Variants in RPH3A observed in about 807,000 individuals in gnomAD.
RPH3A encodes rabphilin-3A.
In RPH3A, 48 loss-of-function variants were observed where a neutral mutation model predicts 102.2. The ratio of observed to expected loss-of-function variants is 0.47; its 90% CI spans 0.37 to 0.60. The LOEUF (loss-of-function observed/expected upper bound fraction) is 0.60, where lower values mean the gene tolerates loss of function less well. Ranked by LOEUF, RPH3A falls within the 20% of genes least tolerant of loss-of-function variation. The pLI, the probability that RPH3A is intolerant of heterozygous loss-of-function variation, is 0.00. For synonymous variants in RPH3A, 310 were observed against 324.3 expected (o/e 0.96, Z 0.47); for missense variants, 781 against 910.1 (o/e 0.86, Z 1.83).
chr12:112,744,534 G>A (rs16942195), intron 1 of RPH3A, among the ~76,000 whole-genome samples: 22,871 of 152,168 alleles, frequency 0.15, 1,837 homozygotes, highest in Admixed American at 0.21. Flanking sequence ...GAGGATTTCC[G>A]CAGCTCTGGG....
intron 1 of RPH3A, among the ~76,000 whole-genome samples, chr12:112,744,742 G>A (rs898131078): frequency 1.8e-4 from 27 of 152,268 alleles, no homozygotes; most frequent in African/African-American, 6.5e-4. Context: ...ACAGTCAGGG[G>A]AGACAGGGCT....
intron 1 of RPH3A, among the ~76,000 whole-genome samples, chr12:112,768,503 A>T (rs1266961390): frequency 6.6e-6 from 1 of 152,156 alleles, no homozygotes; most frequent in Admixed American, 6.5e-5. Context: ...TTGCACTTGC[A>T]TTCCCTCCAC....
chr12:112,746,868 C>A (rs543982940), intron 1 of RPH3A, among the ~76,000 whole-genome samples: 2 of 152,254 alleles, frequency 1.3e-5, no homozygotes, highest in East Asian at 3.9e-4. Context: ...CTTTCCCCAG[C>A]CTCCCGTTCT....
At position 112,879,504 on chromosome 12, in the gene RPH3A, G is replaced by A. The variant is rs539868312; in HGVS notation, c.1251+306G>A. On this transcript the variant is annotated intron_variant, in intron 14 of 21. Transcript: ENST00000389385. ...CAGTGTCTCTGGAGGGGATGGTGGA[G>A]GTTCTGCCCAGGAGGAGATGACAGC... 3.9e-5 allele frequency among the ~76,000 whole-genome samples: 6 copies of A among 152,324 alleles called. No homozygotes were observed. The South Asian group carries it at 1.0e-3, about 26-fold the overall frequency.
chr12:112,724,375 T>A (rs114429880), intron 1 of RPH3A, among the ~76,000 whole-genome samples: 1,584 of 152,286 alleles, frequency 0.01, 24 homozygotes, highest in African/African-American at 0.035. Flanking sequence ...AATATTTTTT[T>A]AATATTTTTT....
chr12:112,864,641 A>G (rs977014740), intron 5 of RPH3A, among the ~76,000 whole-genome samples: 1 of 152,162 alleles, frequency 6.6e-6, no homozygotes, highest in East Asian at 1.9e-4. Flanking sequence ...TCTCAAAACC[A>G]TTCTTGAGCA....
At chr12:112,671,169 G>A (rs2040126735) in intron 1 of RPH3A, among the ~76,000 whole-genome samples, 1 of 152,218 alleles carries the variant, frequency 6.6e-6, no homozygotes, top group Non-Finnish European at 1.5e-5. Flanking sequence ...CTTGGCAGGG[G>A]CCAGTTCCTA....
chr12:112,610,263 G>A (rs2039628857), intron 1 of RPH3A, among the ~76,000 whole-genome samples: 1 of 152,146 alleles, frequency 6.6e-6, no homozygotes, highest in South Asian at 2.1e-4. Context: ...AGCACTTTGG[G>A]AGGCCAAGCG....
intron 2 of RPH3A, among the ~76,000 whole-genome samples, chr12:112,797,357 C>T (rs1565886048): frequency 6.6e-6 from 1 of 152,064 alleles, no homozygotes. Context: ...GGGGAGGGGG[C>T]TGCATTACTA....
At chr12:112,851,195 G>A (rs2042317578) in intron 5 of RPH3A, among the ~76,000 whole-genome samples, 1 of 152,146 alleles carries the variant, frequency 6.6e-6, no homozygotes, top group African/African-American at 2.4e-5. Context: ...TGTCAAGTAA[G>A]CTATTATTAT....
intron 5 of RPH3A, among the ~76,000 whole-genome samples, chr12:112,864,178 C>T (rs369172965): frequency 3.9e-5 from 6 of 152,136 alleles, no homozygotes; most frequent in Non-Finnish European, 7.3e-5. Context: ...TCAGGCCAGG[C>T]GCAGGGGCTC....
intron 1 of RPH3A, among the ~76,000 whole-genome samples, chr12:112,584,917 C>T (rs2039427178): frequency 6.6e-6 from 1 of 152,108 alleles, no homozygotes; most frequent in African/African-American, 2.4e-5. Context: ...GGTGAAGTCC[C>T]ACGATAGGCT....
At chr12:112,598,083 A>T (rs2039530556) in intron 1 of RPH3A, among the ~76,000 whole-genome samples, 2 of 152,224 alleles carry the variant, frequency 1.3e-5, no homozygotes, top group Non-Finnish European at 2.9e-5. Flanking sequence ...ATGAAGCACT[A>T]GTAGGGCACC....
chr12:112,659,243 A>C (rs2040033917), intron 1 of RPH3A, among the ~76,000 whole-genome samples: 1 of 152,208 alleles, frequency 6.6e-6, no homozygotes, highest in Non-Finnish European at 1.5e-5. Flanking sequence ...TCTAGCCCAC[A>C]GGAAAGTCCT....
intron 1 of RPH3A, chr12:112,617,939 A>T (rs1430331819): frequency 6.6e-6 from 1 of 152,236 alleles, no homozygotes; most frequent in Admixed American, 6.5e-5. Flanking sequence ...AAGGCAGAAG[A>T]GTGTAAAGGA....
chr12:112,865,316 T>A, intron 5 of RPH3A, 98 bp from the exon 6 acceptor site: 4 of 1,387,464 alleles, frequency 2.9e-6, no homozygotes, highest in Non-Finnish European at 3.0e-6. Context: ...CAACAGCGTA[T>A]GACTCAAAGA....
At chr12:112,884,470 T>C (rs2042973945) in intron 16 of RPH3A, among the ~76,000 whole-genome samples, 1 of 152,248 alleles carries the variant, frequency 6.6e-6, no homozygotes, top group African/African-American at 2.4e-5. Context: ...GTTTGGCATG[T>C]TTTAAATTTT....
chr12:112,688,619 G>A lies in RPH3A; in HGVS notation c.-139-103524G>A, dbSNP rs997379743. On this transcript the variant is annotated intron_variant, in intron 1 of 21. Transcript: ENST00000543106. ...TATGAATCCTGAAAAAAACCAATGG[G>A]AACAAGCTTTTACTTAGTACCTACT... 2.0e-5 allele frequency among the ~76,000 whole-genome samples: 3 copies of A among 152,106 alleles called. No individual in the cohort carries two copies. The South Asian group carries it at 6.2e-4, about 32-fold the overall frequency.
rs1031155216 is a variant in RPH3A, at chr12:112,710,013, C to T, written c.-139-82130C>T. Among the ~76,000 whole-genome samples the T allele has an allele frequency of 2.6e-5, 4 of 152,052 alleles. 1 individual carries two copies. The highest frequency in any genetic ancestry group is 4.2e-4 in the South Asian group (2 of 4,814). On this transcript the variant is annotated intron_variant, in intron 1 of 21. Coordinates refer to the RPH3A transcript ENST00000543106. Reference sequence around the variant, plus strand: ...TTTTTGAGACGGAGTCTTACTCTGTCGCCCAGGCTAGAGTGCAGTGGCATG... The same window carrying T: ...TTTTTGAGACGGAGTCTTACTCTGTTGCCCAGGCTAGAGTGCAGTGGCATG...
Sources: allele counts gnomAD v4.1 joint callset (sites outside exome capture counted in the v4.1 genomes callset), GRCh38; gene constraint gnomAD v4.1.1; transcripts MANE v1.5; gene names NCBI Gene and HGNC (gene_info 2026-07-23, HGNC 2026-07-21).